The following CEBPZOS variants were observed in gnomAD, a reference collection of about 807,000 sequenced individuals.
CEBPZOS encodes CEBPZ opposite strand.
Under a neutral mutation model 4.8 loss-of-function variants are expected in CEBPZOS, and 10 were observed. The observed-to-expected ratio is 2.07, with a 90% CI of 1.28 to 3.52. The LOEUF (loss-of-function observed/expected upper bound fraction) is 3.52. CEBPZOS is among the 30% of genes most tolerant of loss of function. CEBPZOS has a pLI of 0.00. For missense variants in CEBPZOS, 98 were observed against 43.6 expected (o/e 2.25, Z -3.51); for synonymous variants, 25 against 14.2 (o/e 1.77, Z -1.72).
downstream of CEBPZOS, among the ~76,000 whole-genome samples, chr2:37,215,147 A>T (rs986337921): frequency 5.9e-5 from 9 of 151,982 alleles, no homozygotes; most frequent in South Asian, 1.3e-3. Flanking sequence ...CAACATTTGA[A>T]ACTTCACTGG....
At position 37,204,282 on chromosome 2, in the gene CEBPZOS, T is replaced by C. The variant is rs1345186242; in HGVS notation, c.*2422T>C. 6.7e-6 allele frequency: 1 copy of C among 150,030 alleles called. No individual in the cohort carries two copies. The highest frequency in any genetic ancestry group is 6.7e-5 in the Admixed American group (1 of 15,036). The allele number at this position is 150,030 out of a possible 1,614,324, so 9.3% of individuals were successfully genotyped here. A position where few individuals can be genotyped will look rare whatever the true frequency, so the allele number is the denominator to read the frequency against. ...CCATGCCTGGCTAATTTTTGATTTT[T>C]TTTTTTTTTTTTTTGAGACAGAGTC... On this transcript the variant is annotated 3_prime_UTR_variant, in exon 5 of 5. Transcript: ENST00000402297.
chr2:37,197,904 T>A (rs919382222), intron 1 of CEBPZOS, among the ~76,000 whole-genome samples: 4 of 151,806 alleles, frequency 2.6e-5, no homozygotes, highest in South Asian at 4.2e-4. Context: ...CCCACGCCTG[T>A]AATCCTAGCA....
At position 37,202,567 on chromosome 2, in the gene CEBPZOS, C is replaced by G; in HGVS notation, c.*707C>G. The G allele has an allele frequency of 2.8e-6, 1 of 358,774 alleles. No homozygotes were observed. Among genetic ancestry groups the G allele is most frequent in the Non-Finnish European group, 4.9e-6 (1 of 202,384 alleles). The allele number at this position is 358,774 out of a possible 1,614,324, so 22.2% of individuals were successfully genotyped here. A position where few individuals can be genotyped will look rare whatever the true frequency, so the allele number is the denominator to read the frequency against. On this transcript the variant is annotated 3_prime_UTR_variant, in exon 5 of 5. Coordinates refer to ENST00000402297, the MANE Select transcript of CEBPZOS (RefSeq NM_001322374.2). The stretch of plus-strand genomic sequence containing the variant: ...GGCTAAGGTAGGAGAATTACTTGAA[C>G]ATGGGAGATGGAGGTTGCAGTGAGC...
intron 1 of CEBPZOS, among the ~76,000 whole-genome samples, chr2:37,199,174 AGTAT>A (rs1677088824): frequency 1.3e-5 from 2 of 152,068 alleles, no homozygotes; most frequent in Admixed American, 1.3e-4. Context: ...TTGTATTATT[AGTAT>A]GTATCAGTAT....
chr2:37,201,356 T>C, intron 3 of CEBPZOS: 1 of 495,966 alleles, frequency 2.0e-6, no homozygotes, highest in South Asian at 2.7e-5. Flanking sequence ...AAACCTTTGG[T>C]TTTAAAAGAT....
chr2:37,206,602 C>T (rs113686817), downstream of CEBPZOS, among the ~76,000 whole-genome samples: 2 of 152,140 alleles, frequency 1.3e-5, no homozygotes, highest in South Asian at 2.1e-4. Flanking sequence ...AGGTGATGCC[C>T]GCCTGGGCCT....
chr2:37,209,443 G>C (rs918960456), downstream of CEBPZOS: 1 of 152,098 alleles, frequency 6.6e-6, no homozygotes, highest in African/African-American at 2.4e-5. Context: ...TACAAAAACA[G>C]GCACGTAGAC....
At chr2:37,212,122 A>T (rs755961752) in intron 4 of CEBPZOS, 10 of 1,209,514 alleles carry the variant, frequency 8.3e-6, no homozygotes, top group Non-Finnish European at 1.2e-5. Context: ...GCAGTAGGCT[A>T]TTAAATGACT....
Position 37,203,217 on chromosome 2 carries a change from T to C in CEBPZOS, c.*1357T>C. The C allele has an allele frequency of 2.8e-6, 1 of 356,858 alleles. No homozygotes were observed. The highest frequency in any genetic ancestry group is 5.0e-6 in the Non-Finnish European group (1 of 198,770). 22.1% of individuals were successfully genotyped at this position (356,858 alleles called of 1,614,324 possible). A position where few individuals can be genotyped will look rare whatever the true frequency, so the allele number is the denominator to read the frequency against. On this transcript the variant is annotated 3_prime_UTR_variant, in exon 5 of 5. Coordinates refer to ENST00000402297, the MANE Select transcript of CEBPZOS (RefSeq NM_001322374.2). ...AGCTAACAACATCCTAATAGAACTG[T>C]TCAGATGACAAGAGTGTCTTCTTGC...
Position 37,202,035 on chromosome 2 carries a change from C to T in CEBPZOS, c.*175C>T, listed in dbSNP as rs1677271114. 1 of 601,856 alleles carries T rather than the reference C, an allele frequency of 1.7e-6. No individual in the cohort carries two copies. Among genetic ancestry groups the T allele is most frequent in the East Asian group, 2.8e-5 (1 of 35,282 alleles). The allele number at this position is 601,856 out of a possible 1,614,324, so 37.3% of individuals were successfully genotyped here. A position where few individuals can be genotyped will look rare whatever the true frequency, so the allele number is the denominator to read the frequency against. Reference sequence around the variant, plus strand: ...TGGTTTCCCACCCACTATACAAACCCACTGCTTGTTTGTTGCTTTTCTTCT... The same window carrying T: ...TGGTTTCCCACCCACTATACAAACCTACTGCTTGTTTGTTGCTTTTCTTCT... On this transcript the variant is annotated 3_prime_UTR_variant, in exon 5 of 5. Coordinates refer to ENST00000402297, the MANE Select transcript of CEBPZOS (RefSeq NM_001322374.2).
chr2:37,198,712 T>TTTC (rs1478999078), intron 1 of CEBPZOS: 3 of 152,238 alleles, frequency 2.0e-5, no homozygotes, highest in South Asian at 4.1e-4. Context: ...ATCTTTAATT[T>TTTC]GAAAAAGAAT....
intron 4 of CEBPZOS, chr2:37,212,548 A>C: frequency 1.5e-6 from 1 of 645,686 alleles, no homozygotes; most frequent in Non-Finnish European, 2.7e-6. Context: ...GTGCCTTAAT[A>C]ATGTATACAA....
rs1677269243 is a variant in CEBPZOS, at chr2:37,202,015, T to C, written c.*155T>C. 1 of 879,072 alleles carries C rather than the reference T, an allele frequency of 1.1e-6. No individual in the cohort carries two copies. The allele number at this position is 879,072 out of a possible 1,614,324, so 54.5% of individuals were successfully genotyped here. ...TTCTAGCCTGCCTTGGCCTGTGGTTTCCCACCCACTATACAAACCCACTGC... is the reference window on the plus strand; with the variant it reads ...TTCTAGCCTGCCTTGGCCTGTGGTTCCCCACCCACTATACAAACCCACTGC... On this transcript the variant is annotated 3_prime_UTR_variant, in exon 5 of 5. Coordinates refer to ENST00000402297, the MANE Select transcript of CEBPZOS (RefSeq NM_001322374.2).
downstream of CEBPZOS, among the ~76,000 whole-genome samples, chr2:37,206,493 G>A (rs553075829): frequency 1.3e-5 from 2 of 152,356 alleles, no homozygotes; most frequent in South Asian, 4.1e-4. Context: ...CAGTAGCTGG[G>A]ATTATAGGGG....
chr2:37,215,846 G>A (rs952308485), downstream of CEBPZOS, among the ~76,000 whole-genome samples: 4 of 151,572 alleles, frequency 2.6e-5, no homozygotes, highest in African/African-American at 2.4e-5. Flanking sequence ...AGCTACGGAT[G>A]ATAAAATGGT....
chr2:37,211,005 A>G, intron 4 of CEBPZOS: 1 of 1,608,426 alleles, frequency 6.2e-7, no homozygotes. Flanking sequence ...TTACCTTGAA[A>G]TGAGCCAGCA....
downstream of CEBPZOS, among the ~76,000 whole-genome samples, chr2:37,207,554 T>G (rs142018279): frequency 4.7e-3 from 721 of 152,308 alleles, 5 homozygotes; most frequent in African/African-American, 0.017. Flanking sequence ...TCTTGAATGA[T>G]CTTTGTGTCA....
intron 4 of CEBPZOS, chr2:37,210,275 G>C (rs1677679143): frequency 6.6e-6 from 1 of 151,872 alleles, no homozygotes; most frequent in Non-Finnish European, 1.5e-5. Flanking sequence ...CCCACCACTG[G>C]GTACTACCCA....
At position 37,202,867 on chromosome 2, in the gene CEBPZOS, T is replaced by A; in HGVS notation, c.*1007T>A. On this transcript the variant is annotated 3_prime_UTR_variant, in exon 5 of 5. Coordinates refer to ENST00000402297, the MANE Select transcript of CEBPZOS (RefSeq NM_001322374.2). ...ATTTTCATCCAATAGATGGCCAAAC[T>A]TTTAAACAAAAACGATAAATTTATT... The A allele has an allele frequency of 6.3e-7, 1 of 1,597,974 alleles. No individual in the cohort carries two copies. Among genetic ancestry groups the A allele is most frequent in the Non-Finnish European group, 8.5e-7 (1 of 1,172,928 alleles).
Sources: gnomAD v4.1 joint callset for allele counts (sites outside exome capture counted in the v4.1 genomes callset) on GRCh38, gnomAD v4.1.1 for gene constraint, MANE v1.5 for transcripts, NCBI Gene and HGNC (gene_info 2026-07-23, HGNC 2026-07-21) for gene names.